The following PCDH7 variants were observed in gnomAD, a reference collection of about 807,000 sequenced individuals.
PCDH7 encodes protocadherin-7.
A neutral mutation model predicts 58.9 loss-of-function variants in PCDH7; 17 were observed. The observed-to-expected ratio is 0.29, with a 90% CI of 0.20 to 0.43. PCDH7 has a LOEUF of 0.43. Among genes scored for constraint, PCDH7 ranks in the 20% least tolerant of loss-of-function variants. The pLI, the probability that PCDH7 is intolerant of heterozygous loss-of-function variation, is 1.00. For synonymous variants in PCDH7, 664 were observed against 616.4 expected (o/e 1.08, Z -1.14); for missense variants, 1,274 against 1,441.0 (o/e 0.88, Z 1.88).
chr4:31,126,348 G>A lies in PCDH7; in HGVS notation c.*8-16125G>A, dbSNP rs570053804. ...TTTTTTATTTTCTTTTTAGTAGATAGGGGGTTTTGCCATGTTGGCCAGGCT... is the reference window on the plus strand; with the variant it reads ...TTTTTTATTTTCTTTTTAGTAGATAAGGGGTTTTGCCATGTTGGCCAGGCT... On this transcript the variant is annotated intron_variant, in intron 3 of 3. Coordinates refer to the PCDH7 transcript ENST00000509759. Among the ~76,000 whole-genome samples, 28 of 151,944 alleles carry A rather than the reference G, an allele frequency of 1.8e-4. No individual in the cohort carries two copies. In the South Asian group the frequency reaches 5.4e-3, roughly 29 times the overall value.
intron 1 of PCDH7, among the ~76,000 whole-genome samples, chr4:30,878,262 A>G (rs1232077642): frequency 1.3e-5 from 2 of 152,068 alleles, no homozygotes; most frequent in Non-Finnish European, 2.9e-5. Flanking sequence ...GTCAGTGGAG[A>G]GTAAAGGGCA....
chr4:30,825,752 CAA>C (rs1485098766), intron 1 of PCDH7, among the ~76,000 whole-genome samples: 2 of 148,890 alleles, frequency 1.3e-5, no homozygotes, highest in East Asian at 2.0e-4. Flanking sequence ...TCTAACATAT[CAA>C]AAGGTATTAA....
At chr4:30,996,774 C>CT (rs1751936639) in intron 3 of PCDH7, among the ~76,000 whole-genome samples, 1 of 152,154 alleles carries the variant, frequency 6.6e-6, no homozygotes, top group Non-Finnish European at 1.5e-5. Context: ...GAGAACAGTG[C>CT]TTAGGAGTCA....
At chr4:31,029,780 G>A (rs1361006369) in intron 3 of PCDH7, among the ~76,000 whole-genome samples, 1 of 151,978 alleles carries the variant, frequency 6.6e-6, no homozygotes, top group Non-Finnish European at 1.5e-5. Flanking sequence ...CTGTAGATCT[G>A]GTATGAAGCC....
intron 1 of PCDH7, among the ~76,000 whole-genome samples, chr4:30,799,198 C>T (rs1229711410): frequency 6.6e-6 from 1 of 152,136 alleles, no homozygotes; most frequent in Non-Finnish European, 1.5e-5. Flanking sequence ...TCTGTCTGAT[C>T]TTTGACTTGC....
intron 1 of PCDH7, among the ~76,000 whole-genome samples, chr4:30,832,859 A>T (rs2109331820): frequency 6.6e-6 from 1 of 152,290 alleles, no homozygotes; most frequent in Middle Eastern, 3.4e-3. Flanking sequence ...CAACGCAATA[A>T]TGGAGTAGTA....
intron 3 of PCDH7, among the ~76,000 whole-genome samples, chr4:30,988,786 T>C (rs1031036456): frequency 7.9e-5 from 12 of 152,340 alleles, no homozygotes; most frequent in Middle Eastern, 3.4e-3. Context: ...AACAAGAGAT[T>C]ATTTTTTAAA....
chr4:31,136,573 T>C (rs920178595), intron 3 of PCDH7, among the ~76,000 whole-genome samples: 4 of 152,192 alleles, frequency 2.6e-5, no homozygotes, highest in African/African-American at 9.6e-5. Flanking sequence ...ATTAAAAAAC[T>C]CTTTGGAAAT....
intron 1 of PCDH7, among the ~76,000 whole-genome samples, chr4:30,785,841 G>C (rs1357081149): frequency 1.3e-5 from 2 of 152,014 alleles, no homozygotes; most frequent in East Asian, 3.9e-4. Flanking sequence ...AATGTACCAT[G>C]TTTACTCTAT....
chr4:30,925,688 CA>C (rs1488837255), intron 2 of PCDH7: 1 of 152,146 alleles, frequency 6.6e-6, no homozygotes, highest in Non-Finnish European at 1.5e-5. Context: ...AAGTATCCCC[CA>C]AAAGTCTGTA....
chr4:30,958,935 T>C (rs1418275593), intron 3 of PCDH7, among the ~76,000 whole-genome samples: 1 of 152,130 alleles, frequency 6.6e-6, no homozygotes, highest in African/African-American at 2.4e-5. Context: ...TAAGCATAGC[T>C]ATATTTGCTA....
chr4:30,761,632 G>A (rs567102590), intron 1 of PCDH7, among the ~76,000 whole-genome samples: 13 of 152,130 alleles, frequency 8.5e-5, no homozygotes, highest in Non-Finnish European at 1.5e-5. Flanking sequence ...TATAAAGCTA[G>A]GGACTGCCAT....
At chr4:31,058,817 A>T (rs1468059839) in intron 3 of PCDH7, among the ~76,000 whole-genome samples, 1 of 152,004 alleles carries the variant, frequency 6.6e-6, no homozygotes, top group Non-Finnish European at 1.5e-5. Flanking sequence ...TTCCAGAGAC[A>T]GTCATTCGAA....
chr4:30,830,436 A>G (rs1365796567), intron 1 of PCDH7, among the ~76,000 whole-genome samples: 1 of 152,068 alleles, frequency 6.6e-6, no homozygotes, highest in Non-Finnish European at 1.5e-5. Context: ...CACATTTTGC[A>G]TATTTTCTAT....
intron 3 of PCDH7, among the ~76,000 whole-genome samples, chr4:30,972,252 G>A (rs971875891): frequency 4.6e-5 from 7 of 152,106 alleles, no homozygotes; most frequent in African/African-American, 1.7e-4. Context: ...GCTAAAATGT[G>A]TGGACTGTTA....
chr4:30,751,653 T>C (rs932186376), intron 1 of PCDH7, among the ~76,000 whole-genome samples: 1 of 152,172 alleles, frequency 6.6e-6, no homozygotes, highest in Admixed American at 6.6e-5. Flanking sequence ...CTGAAAAGTT[T>C]ATTAATCTTT....
At chr4:30,874,420 C>G (rs183995330) in intron 1 of PCDH7, among the ~76,000 whole-genome samples, 2 of 151,924 alleles carry the variant, frequency 1.3e-5, no homozygotes, top group African/African-American at 2.4e-5. Flanking sequence ...AATCATCCTT[C>G]TCAGTAAACT....
At chr4:31,090,262 T>A (rs1389818197) in intron 3 of PCDH7, among the ~76,000 whole-genome samples, 1 of 152,110 alleles carries the variant, frequency 6.6e-6, no homozygotes, top group Non-Finnish European at 1.5e-5. Flanking sequence ...ATTCTTTTTT[T>A]AGAAAATGTT....
At chr4:30,822,641 A>C (rs1162935280) in intron 1 of PCDH7, among the ~76,000 whole-genome samples, 1 of 151,948 alleles carries the variant, frequency 6.6e-6, no homozygotes, top group Non-Finnish European at 1.5e-5. Context: ...TTAGTTAGAC[A>C]TTTCAAATAC....
Sources: allele counts gnomAD v4.1 joint callset (sites outside exome capture counted in the v4.1 genomes callset), GRCh38; gene constraint gnomAD v4.1.1; transcripts MANE v1.5; gene names NCBI Gene and HGNC (gene_info 2026-07-23, HGNC 2026-07-21).